The following CEACAM1 variants were observed in gnomAD, a reference collection of about 807,000 sequenced individuals.
The protein encoded by CEACAM1 is cell adhesion molecule CEACAM1.
CEACAM1 carries 31 observed loss-of-function variants against 49.1 expected under a neutral mutation model. The ratio of observed to expected loss-of-function variants is 0.63; its 90% CI spans 0.47 to 0.85. The LOEUF (loss-of-function observed/expected upper bound fraction) is 0.85, where lower values mean the gene tolerates loss of function less well. CEACAM1 is among the 40% of genes least tolerant of loss of function. The probability of loss-of-function intolerance (pLI) is 0.00; values close to 1 mark genes in which losing one functional copy is unlikely to be tolerated. For synonymous variants in CEACAM1, 244 were observed against 247.8 expected (o/e 0.98, Z 0.14); for missense variants, 570 against 645.3 (o/e 0.88, Z 1.26).
At chr19:42,522,528 G>C (rs8105476) in intron 2 of CEACAM1, among the ~76,000 whole-genome samples, 5,501 of 151,316 alleles carry the variant, frequency 0.036, 330 homozygotes, top group African/African-American at 0.12. Context: ...GGGATTACAG[G>C]CCTGAGCCAC....
At position 42,508,082 on chromosome 19, in the gene CEACAM1, G is replaced by C. The variant is rs1170466732; in HGVS notation, c.*1027C>G. On this transcript the variant is annotated 3_prime_UTR_variant, in exon 9 of 9. Coordinates refer to ENST00000161559, the MANE Select transcript of CEACAM1 (RefSeq NM_001712.5). ...CCAAGGGACCTGAGGGATTTCGGTG[G>C]TTTCTTTCACCTAAGGCAATCGGAT... The C allele has an allele frequency of 6.6e-6, 1 of 152,208 alleles. No homozygotes were observed. The highest frequency in any genetic ancestry group is 6.5e-5 in the Admixed American group (1 of 15,286). 9.4% of individuals were successfully genotyped at this position (152,208 alleles called of 1,614,324 possible).
rs2041682233 is a variant in CEACAM1 at position 42,519,329 on chromosome 19, G to A, written c.959-94C>T. The A allele has an allele frequency of 3.1e-6, 4 of 1,287,516 alleles. No individual in the cohort carries two copies. In the South Asian group the frequency reaches 5.4e-5, roughly 17 times the overall value. 79.8% of individuals were successfully genotyped at this position (1,287,516 alleles called of 1,614,324 possible). On this transcript the variant is annotated intron_variant, in intron 4 of 8. Transcript: ENST00000161559. ...GCTCCTTTCCCTGAGATTTTAGCCA[G>A]CTCTCAGGTCCCACAGTGAGCTGTG...
Position 42,528,324 on chromosome 19 carries a change from C to T in CEACAM1, c.51G>A (p.Gly17=), listed in dbSNP as rs1157521307. Residue 17 remains glycine, a synonymous_variant, in exon 1 of 9, where the codon GGG becomes GGA. Transcript: ENST00000161559. ...TCCTCCCCTCACCTGTGAGCAGAAG[C>T]CCCTGCCAGGGTACACGCACTCTGT... ...PLHRVRVPWQ[G]LLLTASLLTF... is the part of the protein sequence containing the mutation. 3.7e-6 allele frequency: 6 copies of T among 1,613,756 alleles called. No individual in the cohort carries two copies. The highest frequency in any genetic ancestry group is 3.3e-5 in the South Asian group (3 of 91,076).
rs753404717 is a variant in CEACAM1, at chr19:42,512,364, G to C, written c.1362C>G (p.Phe454Leu). 1 of 1,614,046 alleles carries C rather than the reference G, an allele frequency of 6.2e-7. No individual in the cohort carries two copies. Among genetic ancestry groups the C allele is most frequent in the Admixed American group, 1.7e-5 (1 of 60,018 alleles). The change falls in exon 6 of 9, where the codon TTC becomes TTG. Residue 454 changes from phenylalanine to leucine, a missense_variant. Physicochemically the swap from Phe to Leu is conservative, Grantham distance 22 (BLOSUM62 0). Transcript: ENST00000161559. ...GGCCATCATACCTGCCGGTCTTCCC[G>C]AAATGCAGAAAACATGCCAGGGCTA... is the stretch of plus-strand genomic sequence containing the variant. The part of the protein sequence containing the change: ...IAVALACFLH[F>L]GKTGRASDQR...
In CEACAM1 at chr19:42,508,641, A is replaced by G. The variant is rs2041382636; in HGVS notation, c.*468T>C. The G allele has an allele frequency of 1.2e-5, 2 of 160,394 alleles. No homozygotes were observed. Among genetic ancestry groups the G allele is most frequent in the African/African-American group, 4.8e-5 (2 of 41,500 alleles). 9.9% of individuals were successfully genotyped at this position (160,394 alleles called of 1,614,324 possible). On this transcript the variant is annotated 3_prime_UTR_variant, in exon 9 of 9. Coordinates refer to ENST00000161559, the MANE Select transcript of CEACAM1 (RefSeq NM_001712.5). ...TGAGTTCACACAAGGCTTTGGAGAA[A>G]TAGGAGAAGGCATTACTGCCTTTAC... is the stretch of plus-strand genomic sequence containing the variant.
In CEACAM1 at chr19:42,519,075, CTTCATCCTCTCCGAGG is replaced by C; in HGVS notation, c.1103_1118del (p.Ser368CysfsTer11). The C allele has an allele frequency of 6.2e-7, 1 of 1,614,178 alleles. No homozygotes were observed. Among genetic ancestry groups the C allele is most frequent in the Non-Finnish European group, 8.5e-7 (1 of 1,180,030 alleles). Reference sequence around the variant, plus strand: ...TGAGGGTGGTGTTGCCCTGGGACAGCTTCATCCTCTCCGAGGACGGGAGACTCTGGTTTTTGAAGAA... The same window carrying C: ...TGAGGGTGGTGTTGCCCTGGGACAGCACGGGAGACTCTGGTTTTTGAAGAA... On this transcript the variant is annotated frameshift_variant, in exon 5 of 9. Transcript: ENST00000161559. LOFTEE classifies it high-confidence loss of function.
intron 2 of CEACAM1, chr19:42,525,863 T>C (rs2041877634): frequency 6.6e-6 from 1 of 152,256 alleles, no homozygotes; most frequent in African/African-American, 2.4e-5. Context: ...TTAATGGTTT[T>C]GGCTTATCTT....
At chr19:42,512,272 A>G in intron 6 of CEACAM1, 78 bp downstream of exon 6, 1 of 1,553,740 alleles carries the variant, frequency 6.4e-7, no homozygotes. Flanking sequence ...GCCCAGAGAC[A>G]GGCAAAGAAT....
At chr19:42,524,605 CA>C (rs1368732100) in intron 2 of CEACAM1, among the ~76,000 whole-genome samples, 1 of 152,112 alleles carries the variant, frequency 6.6e-6, no homozygotes, top group Non-Finnish European at 1.5e-5. Context: ...GGCCTGGCCA[CA>C]GTGTGAGCGG....
intron 5 of CEACAM1, among the ~76,000 whole-genome samples, chr19:42,513,892 C>CCA (rs1171742635): frequency 1.8e-5 from 2 of 111,246 alleles, no homozygotes; most frequent in African/African-American, 1.0e-4. Context: ...GCTTCTCCCT[C>CCA]CATATATATA....
chr19:42,509,097 G>A lies in CEACAM1; in HGVS notation c.*12C>T. ...AAATACATCAGCACTGCAGTGAGCA[G>A]GACAGGTTTCATTACTGCTTTTTTA... On this transcript the variant is annotated 3_prime_UTR_variant, in exon 9 of 9. Coordinates refer to ENST00000161559, the MANE Select transcript of CEACAM1 (RefSeq NM_001712.5). 2.5e-6 allele frequency: 4 copies of A among 1,614,026 alleles called. No individual in the cohort carries two copies. The highest frequency in any genetic ancestry group is 3.4e-6 in the Non-Finnish European group (4 of 1,179,924).
Position 42,508,977 on chromosome 19 carries a change from A to G in CEACAM1, c.*132T>C. On this transcript the variant is annotated 3_prime_UTR_variant, in exon 9 of 9. Coordinates refer to ENST00000161559, the MANE Select transcript of CEACAM1 (RefSeq NM_001712.5). ...GTGACCAGGCAGCCTGGAGATGCCT[A>G]TTAGGAAGGAAGAGTAGGAGAAAGT... 9.7e-7 allele frequency: 1 copy of G among 1,035,844 alleles called. No homozygotes were observed. The highest frequency in any genetic ancestry group is 1.4e-6 in the Non-Finnish European group (1 of 700,582). 64.2% of individuals were successfully genotyped at this position (1,035,844 alleles called of 1,614,324 possible). A position where few individuals can be genotyped will look rare whatever the true frequency, so the allele number is the denominator to read the frequency against.
intron 5 of CEACAM1, among the ~76,000 whole-genome samples, chr19:42,516,282 C>CA (rs1472298694): frequency 1.3e-5 from 2 of 151,790 alleles, no homozygotes; most frequent in African/African-American, 4.8e-5. Flanking sequence ...AGAGATTCCA[C>CA]AAAAAAACTG....
chr19:42,518,907 A>C (rs1467832999), intron 5 of CEACAM1, 41 bp downstream of exon 5: 8 of 1,602,646 alleles, frequency 5.0e-6, no homozygotes, highest in Non-Finnish European at 5.1e-6. Flanking sequence ...TGACAGAGTA[A>C]TCCTAGAGGG....
intron 6 of CEACAM1, 80 bp from the exon 7 acceptor site, chr19:42,511,708 C>A: frequency 7.3e-7 from 1 of 1,367,966 alleles, no homozygotes; most frequent in Non-Finnish European, 1.0e-6. Context: ...ACACTGTGAG[C>A]AGGTAATTCC....
At chr19:42,513,678 A>G (rs1174797588) in intron 5 of CEACAM1, among the ~76,000 whole-genome samples, 2 of 149,968 alleles carry the variant, frequency 1.3e-5, no homozygotes, top group African/African-American at 2.5e-5. Flanking sequence ...GATCTGCATC[A>G]TGGTCTGAGG....
chr19:42,512,322 A>C, intron 6 of CEACAM1, 28 bp downstream of exon 6: 1 of 1,613,556 alleles, frequency 6.2e-7, no homozygotes. Context: ...CCTTGGAGGA[A>C]ACAGAACAAG....
At chr19:42,527,504 AGTGTGTGTGT>A (rs3038002) in intron 1 of CEACAM1, 104 bp from the exon 2 acceptor site, 1,423 of 714,930 alleles carry the variant, frequency 2.0e-3, no homozygotes, top group South Asian at 6.6e-3. Flanking sequence ...TCCACCTTGG[AGTGTGTGTGT>A]GTGTGTGTGT....
intron 4 of CEACAM1, chr19:42,520,689 T>C (rs570506788): frequency 1.3e-5 from 2 of 154,000 alleles, no homozygotes; most frequent in African/African-American, 4.8e-5. Context: ...CATCTTGATT[T>C]AGCTGGATTC....
Sources: allele counts gnomAD v4.1 joint callset (sites outside exome capture counted in the v4.1 genomes callset), GRCh38; gene constraint gnomAD v4.1.1; transcripts MANE v1.5; gene names NCBI Gene and HGNC (gene_info 2026-07-23, HGNC 2026-07-21).